The following SYTL5 variants were observed in gnomAD, a reference collection of about 807,000 sequenced individuals.
SYTL5 encodes the protein synaptotagmin like 5, also known as synaptotagmin-like protein 5.
Under a neutral mutation model 55.9 loss-of-function variants are expected in SYTL5, and 34 were observed. That is an observed-to-expected ratio of 0.61 (90% confidence interval 0.46 to 0.81). The LOEUF (loss-of-function observed/expected upper bound fraction) is 0.81. SYTL5 is among the 30% of genes least tolerant of loss of function. The pLI is 0.00. For missense variants in SYTL5, 637 were observed against 546.7 expected (o/e 1.17, Z -1.65); for synonymous variants, 221 against 188.7 (o/e 1.17, Z -1.40).
At chrX:37,967,640 C>T in the SYTL5 span, among the ~76,000 whole-genome samples, 7 of 111,286 alleles carry the variant, frequency 6.3e-5, no homozygotes, top group South Asian at 2.6e-3. Flanking sequence ...TTTGAATACT[C>T]TTTCTGTCCC....
At chrX:38,049,797 C>A (rs1935575605) in intron 2 of SYTL5, among the ~76,000 whole-genome samples, 1 of 112,092 alleles carries the variant, frequency 8.9e-6, no homozygotes, top group South Asian at 3.7e-4. Flanking sequence ...TTGTCTATTC[C>A]ATAATTATTA....
chrX:38,042,601 G>C (rs1433949318), intron 2 of SYTL5, among the ~76,000 whole-genome samples: 1 of 111,036 alleles, frequency 9.0e-6, no homozygotes, highest in Admixed American at 9.6e-5. Context: ...ATTGTCTCTA[G>C]CCAGAATTGG....
intron 13 of SYTL5, among the ~76,000 whole-genome samples, chrX:38,114,960 C>T (rs1937447045): frequency 8.9e-6 from 1 of 111,813 alleles, no homozygotes; most frequent in Non-Finnish European, 1.9e-5. Context: ...CAGTGTTCAT[C>T]TTTCTGTGCC....
At chrX:38,003,586 C>G (rs1039942664), upstream of SYTL5, among the ~76,000 whole-genome samples, 2 of 111,492 alleles carry the variant, frequency 1.8e-5, no homozygotes, top group Non-Finnish European at 3.8e-5. Flanking sequence ...AGGATACAAA[C>G]AAATGGAAGA....
chrX:38,097,391 C>A (rs1399601939), intron 9 of SYTL5, among the ~76,000 whole-genome samples: 2 of 110,057 alleles, frequency 1.8e-5, no homozygotes, highest in African/African-American at 6.5e-5. Context: ...ATACAAAAAT[C>A]AACTGTATTT....
chrX:37,976,201 G>A, the SYTL5 span, among the ~76,000 whole-genome samples: 1 of 112,773 alleles, frequency 8.9e-6, no homozygotes, highest in Non-Finnish European at 1.9e-5. Context: ...CAAATGGCAT[G>A]TTCTTAGATA....
At chrX:38,111,259 T>G (rs746548554) in intron 13 of SYTL5, among the ~76,000 whole-genome samples, 4 of 112,166 alleles carry the variant, frequency 3.6e-5, no homozygotes, top group Admixed American at 9.4e-5. Flanking sequence ...ACTGCCCATG[T>G]GACCTTGGGC....
intron 6 of SYTL5, among the ~76,000 whole-genome samples, chrX:38,082,299 T>C (rs774424566): frequency 8.9e-6 from 1 of 111,978 alleles, no homozygotes; most frequent in Non-Finnish European, 1.9e-5. Flanking sequence ...TCCAATTTAA[T>C]AAATTGCTCT....
the SYTL5 span, among the ~76,000 whole-genome samples, chrX:37,903,237 A>G: frequency 3.5e-4 from 39 of 110,122 alleles, 1 homozygote; most frequent in South Asian, 0.015. Context: ...GCTGCTATAA[A>G]GACACATGCA....
chrX:37,975,700 C>T, the SYTL5 span, among the ~76,000 whole-genome samples: 2,088 of 111,470 alleles, frequency 0.019, 18 homozygotes, highest in South Asian at 0.05. Flanking sequence ...ATTGTATAAA[C>T]CTATTAGCAC....
rs758846362 is a variant in SYTL5 at position 38,035,812 on chromosome X, T to C, written c.119+1804T>C. 8.4e-5 allele frequency among the ~76,000 whole-genome samples: 9 copies of C among 107,752 alleles called. No homozygotes were observed. In the East Asian group the frequency reaches 2.7e-3, roughly 32 times the overall value. 93.6% of individuals were successfully genotyped at this position (107,752 alleles called of 115,157 possible). On this transcript the variant is annotated intron_variant, in intron 2 of 16. Transcript: ENST00000297875. ...CGGGAGGCTGAGGCAGGAGAATCAC[T>C]TGAACCCCAGAGGTGGAGGTTGCAG...
intron 2 of SYTL5, among the ~76,000 whole-genome samples, chrX:38,046,882 A>G (rs2363889): frequency 0.42 from 46,381 of 110,706 alleles, 9,627 homozygotes; most frequent in African/African-American, 0.81. Flanking sequence ...AGGGGTTATA[A>G]GCCCCATGCA....
chrX:37,908,851 G>C, the SYTL5 span, among the ~76,000 whole-genome samples: 2 of 111,050 alleles, frequency 1.8e-5, no homozygotes, highest in Admixed American at 1.9e-4. Flanking sequence ...TGTTGAGTTT[G>C]GGAGCTTCAA....
At chrX:38,059,237 A>T (rs945792802) in intron 3 of SYTL5, among the ~76,000 whole-genome samples, 1 of 111,832 alleles carries the variant, frequency 8.9e-6, no homozygotes, top group African/African-American at 3.2e-5. Context: ...TATAAATTAT[A>T]GATCTGTTAT....
chrX:37,969,166 T>C, the SYTL5 span, among the ~76,000 whole-genome samples: 1 of 112,169 alleles, frequency 8.9e-6, no homozygotes, highest in African/African-American at 3.2e-5. Context: ...ATTGACATCC[T>C]TTTGTTTATA....
At position 38,094,436 on chromosome X, in the gene SYTL5, C is replaced by T. The variant is rs1029231890; in HGVS notation, c.961+12C>T. 1 of 1,185,031 alleles carries T rather than the reference C, an allele frequency of 8.4e-7. No individual in the cohort carries two copies. The highest frequency in any genetic ancestry group is 1.1e-6 in the Non-Finnish European group (1 of 876,471). On this transcript the variant is annotated intron_variant, in intron 8 of 16. Coordinates refer to ENST00000297875, the MANE Select transcript of SYTL5 (RefSeq NM_138780.3). Reference sequence around the variant, plus strand: ...CTCTCTCTCCTCAGGTGGGTATTTACAATGTGCCTACTTTGTTGTTTAAAA... The same window carrying T: ...CTCTCTCTCCTCAGGTGGGTATTTATAATGTGCCTACTTTGTTGTTTAAAA...
intron 7 of SYTL5, 116 bp downstream of exon 7, chrX:38,089,703 A>AGCCATGCAGAACTG: frequency 1.2e-6 from 1 of 819,898 alleles, no homozygotes; most frequent in Non-Finnish European, 1.7e-6. Context: ...ACAGTTCTGC[A>AGCCATGCAGAACTG]TGGCTGCAGA....
intron 2 of SYTL5, among the ~76,000 whole-genome samples, chrX:38,040,433 A>AT (rs1173482284): frequency 2.7e-5 from 3 of 109,793 alleles, no homozygotes; most frequent in Admixed American, 9.7e-5. Context: ...CATACTTTCT[A>AT]TTTTTTTAAC....
At chrX:38,103,475 C>T (rs988097338) in intron 10 of SYTL5, among the ~76,000 whole-genome samples, 4 of 109,677 alleles carry the variant, frequency 3.6e-5, no homozygotes, top group South Asian at 7.9e-4. Context: ...TCCTTCTATC[C>T]GTAGGGGCCC....
Sources: gnomAD v4.1 joint callset for allele counts (sites outside exome capture counted in the v4.1 genomes callset) on GRCh38, gnomAD v4.1.1 for gene constraint, MANE v1.5 for transcripts, NCBI Gene and HGNC (gene_info 2026-07-23, HGNC 2026-07-21) for gene names.